The following NWD1 variants were observed in gnomAD, a reference collection of about 807,000 sequenced individuals.
NWD1 encodes the protein NACHT and WD repeat domain containing 1.
In NWD1, 129 loss-of-function variants were observed where a neutral mutation model predicts 135.1. The ratio of observed to expected loss-of-function variants is 0.96; its 90% CI spans 0.83 to 1.11. The LOEUF (loss-of-function observed/expected upper bound fraction) is 1.11. Among genes scored for constraint, NWD1 ranks in the 50% least tolerant of loss-of-function variants. NWD1 has a pLI of 0.00. For missense variants in NWD1, 1,740 were observed against 1,851.3 expected (o/e 0.94, Z 1.10); for synonymous variants, 773 against 786.0 (o/e 0.98, Z 0.28).
chr19:16,803,835 T>C (rs1408341610), intron 17 of NWD1, among the ~76,000 whole-genome samples: 1 of 150,654 alleles, frequency 6.6e-6, no homozygotes, highest in Non-Finnish European at 1.5e-5. Context: ...TGAGGCAGGA[T>C]AATTGCTTGA....
rs761529285 is a variant in NWD1 at position 16,765,110 on chromosome 19, C to T, written c.2328C>T (p.Ala776=). ...TGCTGGATGACTTTGACCTGTGTGC[C>T]CCTCACCTGGACTCCCCTGAGGTTG... is the stretch of plus-strand genomic sequence containing the variant. ...EDLLDDFDLC[A]PHLDSPEVGL... Residue 776 remains alanine, a synonymous_variant, in exon 10 of 19, where the codon GCC becomes GCT. Coordinates refer to ENST00000524140, the MANE Select transcript of NWD1 (RefSeq NM_001007525.5). 1.7e-5 allele frequency: 28 copies of T among 1,614,030 alleles called. No homozygotes were observed. In the South Asian group the frequency reaches 2.7e-4, roughly 16 times the overall value.
rs367979080 is a variant in NWD1, at chr19:16,762,237, C to T, written c.2133+99C>T. On this transcript the variant is annotated intron_variant, in intron 8 of 18. Transcript: ENST00000524140. ...CCTTTTTGCACTCGAAATGTCCTCCCGACCTACTTCTCCTTTCCGCACAGA... is the reference window on the plus strand; with the variant it reads ...CCTTTTTGCACTCGAAATGTCCTCCTGACCTACTTCTCCTTTCCGCACAGA... 3.3e-5 allele frequency: 34 copies of T among 1,042,334 alleles called. 1 individual carries two copies. The highest frequency in any genetic ancestry group is 1.1e-4 in the African/African-American group (7 of 62,486). 64.6% of individuals were successfully genotyped at this position (1,042,334 alleles called of 1,614,324 possible).
At chr19:16,724,102 G>A (rs899151764) in intron 1 of NWD1, among the ~76,000 whole-genome samples, 7 of 152,334 alleles carry the variant, frequency 4.6e-5, no homozygotes, top group Middle Eastern at 3.4e-3. Flanking sequence ...ACAAGGCAGG[G>A]AAGGGAAGTC....
chr19:16,785,200 A>G (rs1035501775), intron 12 of NWD1, among the ~76,000 whole-genome samples: 4 of 151,898 alleles, frequency 2.6e-5, no homozygotes, highest in Non-Finnish European at 2.9e-5. Flanking sequence ...ATGCCACTGG[A>G]TTGTTTGCTT....
chr19:16,768,731 A>C (rs1398182754), intron 10 of NWD1, among the ~76,000 whole-genome samples: 1 of 152,188 alleles, frequency 6.6e-6, no homozygotes, highest in East Asian at 1.9e-4. Context: ...AAGAGCAATA[A>C]ATTGTGAGCT....
chr19:16,784,111 A>C (rs1003907670), intron 12 of NWD1, among the ~76,000 whole-genome samples: 1 of 152,046 alleles, frequency 6.6e-6, no homozygotes, highest in Non-Finnish European at 1.5e-5. Context: ...AGACCGAAGC[A>C]GGAAGATCAC....
At chr19:16,775,225 T>C (rs1478470383) in intron 11 of NWD1, among the ~76,000 whole-genome samples, 1 of 152,040 alleles carries the variant, frequency 6.6e-6, no homozygotes. Context: ...TAGAATGCTG[T>C]GTTGAGGATT....
chr19:16,782,681 T>C (rs936405512), intron 12 of NWD1, among the ~76,000 whole-genome samples: 1 of 152,066 alleles, frequency 6.6e-6, no homozygotes, highest in Non-Finnish European at 1.5e-5. Flanking sequence ...CATCTATAGA[T>C]TCAACCGACT....
In NWD1 at chr19:16,731,233, C is replaced by G. The variant is rs576962774; in HGVS notation, c.36C>G (p.Thr12=). 1.3e-6 allele frequency: 2 copies of G among 1,535,000 alleles called. No individual in the cohort carries two copies. Among genetic ancestry groups the G allele is most frequent in the East Asian group, 4.9e-5 (2 of 40,926 alleles). Residue 12 remains threonine, a synonymous_variant, in exon 3 of 19, where the codon ACC becomes ACG. Coordinates refer to ENST00000524140, the MANE Select transcript of NWD1 (RefSeq NM_001007525.5). ...GGAAGCCCTGCAGAGCACTGCCTAC[C>G]CTGAAGTGCCAGACCTTCTGCCAGA... ...QRGKPCRALP[T]LKCQTFCQRH... is the part of the protein sequence containing the mutation.
At chr19:16,749,030 T>G (rs570435320) in intron 5 of NWD1, 109 bp from the exon 6 acceptor site, 2 of 816,144 alleles carry the variant, frequency 2.5e-6, no homozygotes, top group East Asian at 5.2e-5. Context: ...ACGTTAATCT[T>G]GAGAACCAAT....
intron 18 of NWD1, among the ~76,000 whole-genome samples, chr19:16,809,131 C>T (rs1243706219): frequency 6.6e-6 from 1 of 151,772 alleles, no homozygotes; most frequent in Non-Finnish European, 1.5e-5. Flanking sequence ...GCTCTGTCAC[C>T]CAGGCTGGAA....
Position 16,763,829 on chromosome 19 carries a change from T to A in NWD1, c.2135T>A (p.Val712Glu), listed in dbSNP as rs1306401394. ...VGKPLNLDRK[V>E]APQPLWFSHT... ...GCAGTCTCCCTTCTCCTCTGCCAGG[T>A]GGCCCCGCAGCCTCTGTGGTTCTCA... is the stretch of plus-strand genomic sequence containing the variant. Residue 712 changes from valine to glutamate, a missense_variant and splice_region_variant, in exon 9 of 19, where the codon GTG becomes GAG. By Grantham distance (121) the Val-to-Glu change is moderately radical (BLOSUM62 -2). Transcript: ENST00000524140. 2.5e-6 allele frequency: 4 copies of A among 1,607,308 alleles called. No homozygotes were observed. Among genetic ancestry groups the A allele is most frequent in the Middle Eastern group, 1.7e-4 (1 of 6,038 alleles).
intron 5 of NWD1, among the ~76,000 whole-genome samples, chr19:16,748,486 CA>C (rs1968413717): frequency 6.6e-6 from 1 of 152,100 alleles, no homozygotes; most frequent in Admixed American, 6.6e-5. Context: ...GACTGCTCCT[CA>C]CATGGGACCT....
intron 5 of NWD1, among the ~76,000 whole-genome samples, chr19:16,747,516 G>A (rs1178029599): frequency 1.3e-5 from 2 of 151,508 alleles, no homozygotes; most frequent in East Asian, 1.9e-4. Flanking sequence ...AGCTGGGACC[G>A]CAGTCACACG....
chr19:16,807,835 C>T lies in NWD1; in HGVS notation c.3986C>T (p.Ser1329Phe), dbSNP rs1233710758. The T allele has an allele frequency of 6.2e-7, 1 of 1,614,162 alleles. No individual in the cohort carries two copies. Among genetic ancestry groups the T allele is most frequent in the East Asian group, 2.2e-5 (1 of 44,876 alleles). ...DNIVLVLDIT[S>F]GDPCPVIDGP... is the part of the protein sequence containing the mutation. ...ATCGTCCTGGTGCTGGACATCACCT[C>T]CGGGGACCCCTGCCCGGTCATCGAT... Residue 1329 changes from serine (S) to phenylalanine (F), a missense_variant, in exon 18 of 19, where the codon TCC becomes TTC. By Grantham distance (155) the Ser-to-Phe change is radical. Coordinates refer to ENST00000524140, the MANE Select transcript of NWD1 (RefSeq NM_001007525.5).
At chr19:16,739,329 C>CAAAA (rs67106916) in intron 4 of NWD1, among the ~76,000 whole-genome samples, 2 of 78,960 alleles carry the variant, frequency 2.5e-5, no homozygotes, top group Non-Finnish European at 4.8e-5. Flanking sequence ...CTATCTCTAC[C>CAAAA]AAAAAAAAAA....
chr19:16,773,320 A>G lies in NWD1; in HGVS notation c.2605A>G (p.Lys869Glu). 1 of 1,611,590 alleles carries G rather than the reference A, an allele frequency of 6.2e-7. No homozygotes were observed. Among genetic ancestry groups the G allele is most frequent in the Non-Finnish European group, 8.5e-7 (1 of 1,179,572 alleles). The change falls in exon 11 of 19, where the codon AAA becomes GAA. Residue 869 changes from lysine (K) to glutamate (E), a missense_variant. By Grantham distance (56) the Lys-to-Glu change is moderately conservative. Transcript: ENST00000524140. ...CCGGGCAACTCTCAGCGGCTGTCAC[A>G]AAGGTGAGTCTCCCCAGCATAGCAA... The part of the protein sequence containing the change: ...PLRATLSGCH[K>E]GITAMAWGVE...
At chr19:16,724,868 AT>A (rs1967264999) in intron 2 of NWD1, among the ~76,000 whole-genome samples, 1 of 148,682 alleles carries the variant, frequency 6.7e-6, no homozygotes, top group South Asian at 2.1e-4. Context: ...AATTTTTTGT[AT>A]TTTTAGTAGA....
rs779967968 is a variant in NWD1, at chr19:16,750,093, T to A, written c.1451T>A (p.Leu484Gln). 2 of 1,614,032 alleles carry A rather than the reference T, an allele frequency of 1.2e-6. No individual in the cohort carries two copies. The highest frequency in any genetic ancestry group is 8.5e-7 in the Non-Finnish European group (1 of 1,180,006). The change falls in exon 6 of 19, where the codon CTG becomes CAG. Residue 484 changes from leucine (L) to glutamine (Q), a missense_variant. By Grantham distance (113) the Leu-to-Gln change is moderately radical. Coordinates refer to ENST00000524140, the MANE Select transcript of NWD1 (RefSeq NM_001007525.5). ...TTGGACACCTTGCAGCGGGTGCTCC[T>A]GGACCCGGAGGCCTACTGGGAGGTG... ...GVLDTLQRVL[L>Q]DPEAYWEVKP...
Sources: gnomAD v4.1 joint callset for allele counts (sites outside exome capture counted in the v4.1 genomes callset) on GRCh38, gnomAD v4.1.1 for gene constraint, MANE v1.5 for transcripts, NCBI Gene and HGNC (gene_info 2026-07-23, HGNC 2026-07-21) for gene names.